Variants in ZNF608 observed in about 807,000 individuals in gnomAD.
ZNF608 encodes the protein zinc finger protein 608.
A neutral mutation model predicts 109.0 loss-of-function variants in ZNF608; 12 were observed. The ratio of observed to expected loss-of-function variants is 0.11; its 90% CI spans 0.07 to 0.18. The LOEUF (loss-of-function observed/expected upper bound fraction) is 0.18, where lower values mean the gene tolerates loss of function less well. Among genes scored for constraint, ZNF608 ranks in the 10% least tolerant of loss-of-function variants. The pLI is 1.00. For missense variants in ZNF608, 1,707 were observed against 1,879.3 expected, an observed-to-expected ratio of 0.91 and a Z score of 1.70; for synonymous variants, 732 against 717.4, an observed-to-expected ratio of 1.02 and a Z score of -0.33.
chr5:124,732,878 A>G (rs1284110167), intron 2 of ZNF608, among the ~76,000 whole-genome samples: 1 of 152,146 alleles, frequency 6.6e-6, no homozygotes, highest in African/African-American at 2.4e-5. Context: ...CCCCTCTCTC[A>G]GCTAAAAGAA....
chr5:124,642,692 CTTTTTTTTTTT>C lies in ZNF608; in HGVS notation c.4296+808_4296+818del, dbSNP rs755561532. Among the ~76,000 whole-genome samples, 14 of 95,284 alleles carry C rather than the reference CTTTTTTTTTTT, an allele frequency of 1.5e-4. No homozygotes were observed. The East Asian group carries it at 4.3e-3, about 29-fold the overall frequency. 62.5% of individuals were successfully genotyped at this position (95,284 alleles called of 152,430 possible). On this transcript the variant is annotated intron_variant, in intron 7 of 9. Transcript: ENST00000513986. The stretch of plus-strand genomic sequence containing the variant: ...CATTTTGAACCAGATTTTCTATTGT[CTTTTTTTTTTT>C]TTTTTTTTTTTTTGAGACAGAGCCT...
Position 124,637,897 on chromosome 5 carries a change from T to C in ZNF608, c.*3A>G. On this transcript the variant is annotated 3_prime_UTR_variant, in exon 10 of 10. Transcript: ENST00000513986. ...CACATGACAATGTACATGTCCAATC[T>C]TGTTATTCTCTGCAAAAGAAAAGCA... The C allele has an allele frequency of 3.1e-5, 50 of 1,611,644 alleles. No individual in the cohort carries two copies. The highest frequency in any genetic ancestry group is 4.2e-5 in the Non-Finnish European group (49 of 1,179,000).
At chr5:124,700,441 C>T (rs887799078) in intron 3 of ZNF608, among the ~76,000 whole-genome samples, 3 of 152,152 alleles carry the variant, frequency 2.0e-5, no homozygotes, top group Admixed American at 6.5e-5. Context: ...AATGGCTTGC[C>T]GAGTTAAGGA....
At chr5:124,670,826 G>A (rs1342050015) in intron 3 of ZNF608, among the ~76,000 whole-genome samples, 1 of 152,098 alleles carries the variant, frequency 6.6e-6, no homozygotes, top group Non-Finnish European at 1.5e-5. Flanking sequence ...CAACCACTGG[G>A]TCAGCCCTTA....
At chr5:124,662,804 GACACACAGACACACACAC>G (rs1289353801) in intron 3 of ZNF608, among the ~76,000 whole-genome samples, 1 of 149,070 alleles carries the variant, frequency 6.7e-6, no homozygotes, top group East Asian at 2.0e-4. Flanking sequence ...AAGAGTTACA[GACACACAGACACACACAC>G]ACACACAGAC....
At chr5:124,718,014 T>A (rs758873379) in intron 2 of ZNF608, among the ~76,000 whole-genome samples, 2 of 152,218 alleles carry the variant, frequency 1.3e-5, no homozygotes, top group Non-Finnish European at 2.9e-5. Flanking sequence ...ATAACATGGC[T>A]GAGCAATTGG....
Position 124,649,687 on chromosome 5 carries a change from C to T in ZNF608, c.1173G>A (p.Val391=). 1 of 1,596,302 alleles carries T rather than the reference C, an allele frequency of 6.3e-7. No homozygotes were observed. Among genetic ancestry groups the T allele is most frequent in the Non-Finnish European group, 8.6e-7 (1 of 1,168,308 alleles). ...VWHETEEGVL[V]VNVTWRNKTY... ...TTTTGTTCCTCCACGTGACATTGAC[C>T]ACTAGGACACCTGCAGGAGGCAGGG... Residue 391 remains valine (V), a synonymous_variant, in exon 4 of 10, where the codon GTG becomes GTA. Coordinates refer to ENST00000513986, the MANE Select transcript of ZNF608 (RefSeq NM_020747.3).
chr5:124,724,555 A>C (rs12654492), intron 2 of ZNF608, among the ~76,000 whole-genome samples: 6,505 of 149,754 alleles, frequency 0.043, 277 homozygotes, highest in East Asian at 0.17. Flanking sequence ...CATCATTTCC[A>C]ATTTTTTGTT....
intron 2 of ZNF608, among the ~76,000 whole-genome samples, chr5:124,733,240 T>C (rs1383079398): frequency 1.4e-5 from 2 of 138,818 alleles, no homozygotes; most frequent in East Asian, 4.2e-4. Context: ...TTTTTTTTTT[T>C]CTGTTTGGCG....
At chr5:124,721,572 TAGTC>T (rs897726284) in intron 2 of ZNF608, among the ~76,000 whole-genome samples, 1 of 152,020 alleles carries the variant, frequency 6.6e-6, no homozygotes, top group African/African-American at 2.4e-5. Context: ...ACAGTAAAGA[TAGTC>T]AGACAACATA....
chr5:124,717,902 A>T (rs1445442159), intron 2 of ZNF608, among the ~76,000 whole-genome samples: 1 of 152,198 alleles, frequency 6.6e-6, no homozygotes, highest in African/African-American at 2.4e-5. Flanking sequence ...CGAAGGAGGA[A>T]AATGAATCCT....
In ZNF608 at chr5:124,744,339, C is replaced by G. The variant is rs1046533909; in HGVS notation, c.651G>C (p.Leu217=). ...CACTGCCATTCTGGTGGCCCTGAAG[C>G]AGGTCGTGCTTGTCCTTCCTGGATT... The part of the protein sequence containing the change: ...AGKSRKDKHD[L]LQGHQNGSGS... Residue 217 remains leucine (L), a synonymous_variant, in exon 2 of 10, where the codon CTG becomes CTC. Transcript: ENST00000513986. The surrounding 1 kb of genome is among the most constrained non-coding windows in gnomAD (Gnocchi z 4.5). 1.2e-6 allele frequency: 2 copies of G among 1,614,130 alleles called. No individual in the cohort carries two copies. Among genetic ancestry groups the G allele is most frequent in the African/African-American group, 2.7e-5 (2 of 74,948 alleles).
rs916752324 is a variant in ZNF608, at chr5:124,643,730, T to C, written c.4124-47A>G. 28 of 1,571,810 alleles carry C rather than the reference T, an allele frequency of 1.8e-5. No individual in the cohort carries two copies. The Admixed American group carries it at 5.0e-4, about 28-fold the overall frequency. On this transcript the variant is annotated intron_variant, in intron 6 of 9. Transcript: ENST00000513986. ...CACATCAAGTTACAGGCTATATCTT[T>C]AAAAAAAATCATTTGGGTTACATGA...
chr5:124,663,161 C>T (rs1751344836), intron 3 of ZNF608, among the ~76,000 whole-genome samples: 1 of 152,156 alleles, frequency 6.6e-6, no homozygotes, highest in Non-Finnish European at 1.5e-5. Flanking sequence ...GTGAAGAGTA[C>T]AGCATTCCAT....
chr5:124,640,006 A>G (rs1750165391), intron 8 of ZNF608, among the ~76,000 whole-genome samples: 1 of 152,196 alleles, frequency 6.6e-6, no homozygotes, highest in African/African-American at 2.4e-5. Flanking sequence ...CTAGAAATAA[A>G]ACCTCTTTCT....
At chr5:124,692,399 A>G (rs1752661069) in intron 3 of ZNF608, among the ~76,000 whole-genome samples, 1 of 152,266 alleles carries the variant, frequency 6.6e-6, no homozygotes, top group Admixed American at 6.5e-5. Context: ...GGGATCCAAC[A>G]GTGAACAAAA....
intron 2 of ZNF608, among the ~76,000 whole-genome samples, chr5:124,731,940 A>T (rs1748930499): frequency 6.6e-6 from 1 of 152,226 alleles, no homozygotes; most frequent in African/African-American, 2.4e-5. Flanking sequence ...GCAATGGCAC[A>T]TTAAAAAGTA....
chr5:124,678,504 G>A (rs555448934), intron 3 of ZNF608, among the ~76,000 whole-genome samples: 19 of 152,232 alleles, frequency 1.2e-4, no homozygotes, highest in Admixed American at 9.2e-4. Context: ...GGACTTAACC[G>A]GAGGCCAGAA....
chr5:124,748,083 T>C (rs1172424084), upstream of ZNF608, among the ~76,000 whole-genome samples: 1 of 152,174 alleles, frequency 6.6e-6, no homozygotes, highest in Non-Finnish European at 1.5e-5. Context: ...AATGAGTGAC[T>C]ATTCCCTTGT....
Sources: gnomAD v4.1 joint callset for allele counts (sites outside exome capture counted in the v4.1 genomes callset) on GRCh38, gnomAD v4.1.1 for gene constraint, Gnocchi (gnomAD v3.1) non-coding constraint, MANE v1.5 for transcripts, NCBI Gene and HGNC (gene_info 2026-07-23, HGNC 2026-07-21) for gene names.